The following RNF185 variants were observed in gnomAD, a reference collection of about 807,000 sequenced individuals.
RNF185 encodes the protein ring finger protein 185.
Under a neutral mutation model 24.9 loss-of-function variants are expected in RNF185, and 13 were observed. The observed-to-expected ratio is 0.52, with a 90% CI of 0.34 to 0.83. The LOEUF (loss-of-function observed/expected upper bound fraction) is 0.83. Ranked by LOEUF, RNF185 falls within the 40% of genes least tolerant of loss-of-function variation. The probability of loss-of-function intolerance (pLI) is 0.01; values close to 1 mark genes in which losing one functional copy is unlikely to be tolerated. For synonymous variants in RNF185, 79 were observed against 90.3 expected, an observed-to-expected ratio of 0.88 and a Z score of 0.71; for missense variants, 184 against 244.7, an observed-to-expected ratio of 0.75 and a Z score of 1.65.
At position 31,163,656 on chromosome 22, in the gene RNF185, T is replaced by TTTTATTTTA. The variant is rs1555880081; in HGVS notation, c.-49+3360_-49+3361insTATTTATTT. ...TATTGTTTTTTAACTTTTTATTTTA[T>TTTTATTTTA]TTTATTTATTTATTTATTTATTTAT... is the stretch of plus-strand genomic sequence containing the variant. On this transcript the variant is annotated intron_variant, in intron 1 of 6. Transcript: ENST00000326132. 3.0e-4 allele frequency among the ~76,000 whole-genome samples: 42 copies of TTTTATTTTA among 141,090 alleles called. No individual in the cohort carries two copies. In the East Asian group the frequency reaches 4.3e-3, roughly 15 times the overall value. The allele number at this position is 141,090 out of a possible 152,430, so 92.6% of individuals were successfully genotyped here.
chr22:31,165,152 A>C lies in RNF185; in HGVS notation c.-49+4849A>C, dbSNP rs189815972. Among the ~76,000 whole-genome samples, 127 of 151,994 alleles carry C rather than the reference A, an allele frequency of 8.4e-4. 1 individual carries two copies. The East Asian group carries it at 0.011, about 13-fold the overall frequency. Reference sequence around the variant, plus strand: ...AAGCTGGTCTGGAACTCCCGGCCTCAGGTGATCTGTCTGCCTCAGCCTCCC... The same window carrying C: ...AAGCTGGTCTGGAACTCCCGGCCTCCGGTGATCTGTCTGCCTCAGCCTCCC... On this transcript the variant is annotated intron_variant, in intron 1 of 6. Coordinates refer to ENST00000326132, the MANE Select transcript of RNF185 (RefSeq NM_152267.4).
At chr22:31,196,696 T>G (rs925320571) in intron 4 of RNF185, among the ~76,000 whole-genome samples, 2 of 152,232 alleles carry the variant, frequency 1.3e-5, no homozygotes, top group African/African-American at 4.8e-5. Flanking sequence ...TAGGCTGTAG[T>G]GCAATCTGGT....
chr22:31,199,351 T>C (rs951912328), intron 5 of RNF185, among the ~76,000 whole-genome samples: 1 of 152,140 alleles, frequency 6.6e-6, no homozygotes, highest in Non-Finnish European at 1.5e-5. Flanking sequence ...TGGCTGGTAT[T>C]GAAGTCTCTG....
rs1363425904 is a variant in RNF185, at chr22:31,166,061, G to A, written c.-49+5758G>A. Among the ~76,000 whole-genome samples the A allele has an allele frequency of 3.9e-5, 6 of 152,100 alleles. No individual in the cohort carries two copies. In the East Asian group the frequency reaches 1.2e-3, roughly 29 times the overall value. ...GGCTGGAGTGCAGTGGCACAGTGTT[G>A]ACTCACTGCAGCCTCCATCTCCCAG... On this transcript the variant is annotated intron_variant, in intron 1 of 6. Transcript: ENST00000326132.
At chr22:31,179,757 C>T (rs1327910520) in intron 1 of RNF185, among the ~76,000 whole-genome samples, 2 of 152,218 alleles carry the variant, frequency 1.3e-5, no homozygotes, top group Non-Finnish European at 2.9e-5. Flanking sequence ...TACCTTGATC[C>T]TGGTTGTCCC....
rs545851635 is a variant in RNF185 at position 31,199,393 on chromosome 22, T to TTAG, written c.364-2104_364-2103insAGT. Reference sequence around the variant, plus strand: ...ACCACCAGGTGACACCACTTTAACATTCCTAGGTTTTGGTTTCCTACAGAG... The same window carrying TTAG: ...ACCACCAGGTGACACCACTTTAACATTAGTCCTAGGTTTTGGTTTCCTACAGAG... On this transcript the variant is annotated intron_variant, in intron 5 of 6. Coordinates refer to ENST00000326132, the MANE Select transcript of RNF185 (RefSeq NM_152267.4). 4.3e-4 allele frequency among the ~76,000 whole-genome samples: 66 copies of TTAG among 152,304 alleles called. No homozygotes were observed. In the Middle Eastern group the frequency reaches 0.01, roughly 24 times the overall value.
chr22:31,204,297 C>T (rs549501277), intron 6 of RNF185, among the ~76,000 whole-genome samples, 192 bp from the exon 7 acceptor site: 20 of 151,284 alleles, frequency 1.3e-4, no homozygotes, highest in African/African-American at 4.9e-4. Flanking sequence ...GAGCTGAGAT[C>T]GTGCCACTGC....
chr22:31,182,249 C>G (rs1332128881), intron 1 of RNF185, among the ~76,000 whole-genome samples: 1 of 151,650 alleles, frequency 6.6e-6, no homozygotes, highest in Admixed American at 6.6e-5. Flanking sequence ...CTGTCTGGGG[C>G]TACAGGTGTG....
intron 1 of RNF185, among the ~76,000 whole-genome samples, chr22:31,167,308 C>T (rs1923988498): frequency 6.6e-6 from 1 of 152,160 alleles, no homozygotes; most frequent in African/African-American, 2.4e-5. Flanking sequence ...GCTGGAATTA[C>T]AGCAGTGAGC....
chr22:31,160,436 G>A (rs1923494227), intron 1 of RNF185, 133 bp downstream of exon 1: 1 of 152,248 alleles, frequency 6.6e-6, no homozygotes, highest in Non-Finnish European at 1.5e-5. Context: ...AAGACCGGTC[G>A]TGTCTGTCCC....
At chr22:31,163,927 G>A (rs924379820) in intron 1 of RNF185, among the ~76,000 whole-genome samples, 1 of 151,934 alleles carries the variant, frequency 6.6e-6, no homozygotes, top group African/African-American at 2.4e-5. Context: ...ACCCACCTCA[G>A]CTTCCCAAAG....
intron 5 of RNF185, among the ~76,000 whole-genome samples, chr22:31,198,458 G>C (rs899187694): frequency 1.2e-4 from 16 of 138,500 alleles, no homozygotes; most frequent in Non-Finnish European, 7.6e-5. Context: ...GAGTGTAGTA[G>C]TGCGATCTCG....
chr22:31,189,307 TG>T (rs2048132827), intron 2 of RNF185, among the ~76,000 whole-genome samples: 1 of 137,546 alleles, frequency 7.3e-6, no homozygotes, highest in African/African-American at 2.7e-5. Flanking sequence ...TTTTTTTTTT[TG>T]TGGAGACAGC....
rs529980771 is a variant in RNF185, at chr22:31,178,906, A to G, written c.-48-8141A>G. Among the ~76,000 whole-genome samples the G allele has an allele frequency of 2.6e-5, 4 of 152,376 alleles. No individual in the cohort carries two copies. The East Asian group carries it at 5.8e-4, about 22-fold the overall frequency. On this transcript the variant is annotated intron_variant, in intron 1 of 6. Coordinates refer to ENST00000326132, the MANE Select transcript of RNF185 (RefSeq NM_152267.4). ...TAAAGCAGCATGTTAATAGAAAAACATAAGAATGAAGAGAGTGCTGAATAT... is the reference window on the plus strand; with the variant it reads ...TAAAGCAGCATGTTAATAGAAAAACGTAAGAATGAAGAGAGTGCTGAATAT...
chr22:31,170,496 GTTT>G (rs1190179981), intron 1 of RNF185, among the ~76,000 whole-genome samples: 2 of 150,684 alleles, frequency 1.3e-5, no homozygotes, highest in East Asian at 2.0e-4. Context: ...GCCAGATGTG[GTTT>G]TTATTTTTTA....
chr22:31,199,138 T>C (rs903968642), intron 5 of RNF185, among the ~76,000 whole-genome samples: 1 of 152,052 alleles, frequency 6.6e-6, no homozygotes, highest in Non-Finnish European at 1.5e-5. Flanking sequence ...TAAGGTTCTC[T>C]TCTCCGGATT....
At chr22:31,169,363 A>G (rs1019786620) in intron 1 of RNF185, among the ~76,000 whole-genome samples, 1 of 152,126 alleles carries the variant, frequency 6.6e-6, no homozygotes, top group Non-Finnish European at 1.5e-5. Context: ...TTATGCACAA[A>G]ATTTTTAAAT....
intron 5 of RNF185, among the ~76,000 whole-genome samples, chr22:31,198,394 C>CTTTT (rs11298437): frequency 5.2e-5 from 5 of 96,934 alleles, no homozygotes; most frequent in Admixed American, 1.2e-4. Context: ...TCTTTGCACA[C>CTTTT]TTTTTTTTTT....
intron 5 of RNF185, among the ~76,000 whole-genome samples, chr22:31,198,014 TTC>T (rs2048223426): frequency 6.6e-6 from 1 of 152,192 alleles, no homozygotes; most frequent in African/African-American, 2.4e-5. Flanking sequence ...CTTAAAAAAA[TTC>T]TGTTAAAATG....
Sources: gnomAD v4.1 joint callset for allele counts (sites outside exome capture counted in the v4.1 genomes callset) on GRCh38, gnomAD v4.1.1 for gene constraint, MANE v1.5 for transcripts, NCBI Gene and HGNC (gene_info 2026-07-23, HGNC 2026-07-21) for gene names.